The following MAPK8IP1 variants were observed in gnomAD, a reference collection of about 807,000 sequenced individuals.
The protein encoded by MAPK8IP1 is mitogen-activated protein kinase 8 interacting protein 1.
In MAPK8IP1, 17 loss-of-function variants were observed where a neutral mutation model predicts 72.6. The ratio of observed to expected loss-of-function variants is 0.23; its 90% CI spans 0.16 to 0.35. The LOEUF (loss-of-function observed/expected upper bound fraction) is 0.35. MAPK8IP1 is among the 10% of genes least tolerant of loss of function. MAPK8IP1 has a pLI of 1.00. For missense variants in MAPK8IP1, 789 were observed against 1,009.7 expected (o/e 0.78, Z 2.96); for synonymous variants, 401 against 443.4 (o/e 0.90, Z 1.20).
At chr11:45,905,099 G>T in intron 10 of MAPK8IP1, 52 bp from the exon 11 acceptor site, 1 of 1,612,016 alleles carries the variant, frequency 6.2e-7, no homozygotes, top group Non-Finnish European at 8.5e-7. Context: ...CCTTGAGGTG[G>T]GTGGGTGTGG....
At position 45,902,320 on chromosome 11, in the gene MAPK8IP1, T is replaced by C. The variant is rs988868532; in HGVS notation, c.605-52T>C. ...CCAAGCTGAGAGTGGCAGGTGCAGG[T>C]AGCTGGGAGTTGGGAGAGAGCCCCT... On this transcript the variant is annotated intron_variant, in intron 4 of 11. Coordinates refer to ENST00000241014, the MANE Select transcript of MAPK8IP1 (RefSeq NM_005456.4). This position sits in a 1 kb window ranked among gnomAD's most constrained non-coding sequence, Gnocchi z 9.3. 1.8e-5 allele frequency: 25 copies of C among 1,400,074 alleles called. No homozygotes were observed. Among genetic ancestry groups the C allele is most frequent in the Non-Finnish European group, 2.3e-5 (23 of 1,019,918 alleles). 86.7% of individuals were successfully genotyped at this position (1,400,074 alleles called of 1,614,324 possible).
intron 1 of MAPK8IP1, among the ~76,000 whole-genome samples, chr11:45,887,414 T>A (rs2086535988): frequency 6.6e-6 from 1 of 152,174 alleles, no homozygotes; most frequent in African/African-American, 2.4e-5. Flanking sequence ...AGGCCCCTCC[T>A]TTAACCCTCA....
chr11:45,888,218 A>G (rs1377242763), intron 1 of MAPK8IP1, among the ~76,000 whole-genome samples: 1 of 152,198 alleles, frequency 6.6e-6, no homozygotes, highest in Non-Finnish European at 1.5e-5. Context: ...CCCAGAAAAT[A>G]AAGGGGGTCT....
Position 45,904,286 on chromosome 11 carries a change from G to T in MAPK8IP1, c.1666+125G>T. On this transcript the variant is annotated intron_variant, in intron 7 of 11. Transcript: ENST00000241014. The surrounding 1 kb of genome is among the most constrained non-coding windows in gnomAD (Gnocchi z 6.4). ...GGGGGCTGAGTGGAAGTGATTTTAG[G>T]TCCTTTTCACGATCAAGCAAAGTGA... 1 of 1,277,798 alleles carries T rather than the reference G, an allele frequency of 7.8e-7. No individual in the cohort carries two copies. Among genetic ancestry groups the T allele is most frequent in the African/African-American group, 1.5e-5 (1 of 67,740 alleles). The allele number at this position is 1,277,798 out of a possible 1,614,324, so 79.2% of individuals were successfully genotyped here.
intron 1 of MAPK8IP1, 53 bp from the exon 2 acceptor site, chr11:45,898,032 G>C: frequency 9.3e-7 from 1 of 1,080,138 alleles, no homozygotes; most frequent in Non-Finnish European, 1.4e-6. Context: ...ACAGGGAGAT[G>C]TGAGCAGGCA....
At chr11:45,901,574 G>A (rs1014768696) in intron 3 of MAPK8IP1, among the ~76,000 whole-genome samples, 4 of 152,116 alleles carry the variant, frequency 2.6e-5, no homozygotes, top group African/African-American at 9.7e-5. Context: ...TCTCTGACTT[G>A]GGCTGGATTT....
intron 1 of MAPK8IP1, among the ~76,000 whole-genome samples, chr11:45,889,529 A>T (rs2086550667): frequency 6.6e-6 from 1 of 152,166 alleles, no homozygotes; most frequent in Non-Finnish European, 1.5e-5. Flanking sequence ...GGTGGGACAA[A>T]GAGGAGGGGC....
chr11:45,897,310 G>A (rs1174263876), intron 1 of MAPK8IP1, among the ~76,000 whole-genome samples: 1 of 152,060 alleles, frequency 6.6e-6, no homozygotes, highest in African/African-American at 2.4e-5. Flanking sequence ...GGGGACTCAG[G>A]GCTGGCCTAG....
At chr11:45,895,660 A>G (rs946696413) in intron 1 of MAPK8IP1, among the ~76,000 whole-genome samples, 3 of 144,114 alleles carry the variant, frequency 2.1e-5, no homozygotes, top group African/African-American at 5.3e-5. Flanking sequence ...ATATATATAT[A>G]TGTGCAGAGG....
chr11:45,888,668 G>C (rs2086544993), intron 1 of MAPK8IP1, among the ~76,000 whole-genome samples: 1 of 151,988 alleles, frequency 6.6e-6, no homozygotes, highest in Non-Finnish European at 1.5e-5. Context: ...TATGGTATGG[G>C]GTGAGGGATT....
At position 45,891,265 on chromosome 11, in the gene MAPK8IP1, A is replaced by G. The variant is rs943735461; in HGVS notation, c.101+5344A>G. Among the ~76,000 whole-genome samples the G allele has an allele frequency of 2.6e-5, 4 of 152,216 alleles. No homozygotes were observed. The South Asian group carries it at 8.3e-4, about 31-fold the overall frequency. On this transcript the variant is annotated intron_variant, in intron 1 of 11. Coordinates refer to ENST00000241014, the MANE Select transcript of MAPK8IP1 (RefSeq NM_005456.4). ...TCCACACGTAGTTCTTAATCATTCT[A>G]TGATGCCATCTTTGTTCCCTGGCCC... is the stretch of plus-strand genomic sequence containing the variant.
In MAPK8IP1 at chr11:45,899,857, G is replaced by C. The variant is rs986254438; in HGVS notation, c.208-281G>C. On this transcript the variant is annotated intron_variant, in intron 2 of 11. Coordinates refer to ENST00000241014, the MANE Select transcript of MAPK8IP1 (RefSeq NM_005456.4). ...GGGCTCGGCTTACAACCCCGGTGAG[G>C]TCACCGGCCGTTGCCAGGGGAACGG... Among the ~76,000 whole-genome samples the C allele has an allele frequency of 4.6e-5, 7 of 152,304 alleles. No individual in the cohort carries two copies. The South Asian group carries it at 1.2e-3, about 27-fold the overall frequency.
chr11:45,904,148 C>G lies in MAPK8IP1; in HGVS notation c.1653C>G (p.Pro551=), dbSNP rs533033002. 6.2e-7 allele frequency: 1 copy of G among 1,613,878 alleles called. No homozygotes were observed. Among genetic ancestry groups the G allele is most frequent in the South Asian group, 1.1e-5 (1 of 91,074 alleles). ...AYYAIEVTKE[P]EHMAALAKNS... ...ACGCCATCGAGGTCACCAAGGAGCC[C>G]GAGCACATGGCAGGTAGTGTTCCCT... Residue 551 remains proline, a synonymous_variant, in exon 7 of 12, where the codon CCC becomes CCG. Transcript: ENST00000241014. The surrounding 1 kb of genome is among the most constrained non-coding windows in gnomAD (Gnocchi z 6.4).
intron 1 of MAPK8IP1, among the ~76,000 whole-genome samples, chr11:45,887,386 G>C (rs1051770256): frequency 6.6e-6 from 1 of 152,196 alleles, no homozygotes; most frequent in African/African-American, 2.4e-5. Context: ...GCTCGCTGCT[G>C]TCCAGAGTGT....
chr11:45,889,632 G>T (rs1486407197), intron 1 of MAPK8IP1, among the ~76,000 whole-genome samples: 2 of 152,046 alleles, frequency 1.3e-5, no homozygotes, highest in East Asian at 3.8e-4. Flanking sequence ...GTGTAGAAGG[G>T]GAATCGTGGA....
intron 1 of MAPK8IP1, among the ~76,000 whole-genome samples, chr11:45,894,970 C>T (rs1221646375): frequency 3.3e-5 from 5 of 152,212 alleles, no homozygotes; most frequent in Non-Finnish European, 7.3e-5. Flanking sequence ...GAAGAATGAG[C>T]TTAACTGAGC....
intron 1 of MAPK8IP1, among the ~76,000 whole-genome samples, chr11:45,895,751 G>T (rs1361333400): frequency 2.0e-5 from 3 of 151,392 alleles, no homozygotes; most frequent in Admixed American, 6.6e-5. Flanking sequence ...AGTACCAGGG[G>T]CTCCCTTTTG....
rs868763971 is a variant in MAPK8IP1, at chr11:45,885,712, G to T, written c.-109G>T. ...TGCCAGACACAGGTGCGCCCGCCTA[G>T]CCCGAACTCCGCGGCGGCGGCTGCC... On this transcript the variant is annotated 5_prime_UTR_variant, in exon 1 of 12. Transcript: ENST00000241014. 3.6e-5 allele frequency: 19 copies of T among 534,428 alleles called. No homozygotes were observed. Among genetic ancestry groups the T allele is most frequent in the Middle Eastern group, 5.5e-4 (1 of 1,826 alleles). The allele number at this position is 534,428 out of a possible 1,614,324, so 33.1% of individuals were successfully genotyped here. A position where few individuals can be genotyped will look rare whatever the true frequency, so the allele number is the denominator to read the frequency against.
At position 45,904,777 on chromosome 11, in the gene MAPK8IP1, G is replaced by C. The variant is rs1388619470; in HGVS notation, c.1836G>C (p.Glu612Asp). The C allele has an allele frequency of 6.2e-7, 1 of 1,613,940 alleles. No homozygotes were observed. Among genetic ancestry groups the C allele is most frequent in the African/African-American group, 1.3e-5 (1 of 74,924 alleles). Reference sequence around the variant, plus strand: ...ACCCGCCCTCCAGCTGTGTCCTGGAGATCAGCGTGCGGGGTGTGAAGATAG... The same window carrying C: ...ACCCGCCCTCCAGCTGTGTCCTGGACATCAGCGTGCGGGGTGTGAAGATAG... ...HFNPPSSCVL[E>D]ISVRGVKIGV... is the part of the protein sequence containing the mutation. Residue 612 changes from glutamate (E) to aspartate (D), a missense_variant, in exon 9 of 12, where the codon GAG becomes GAC. Transcript: ENST00000241014. The surrounding 1 kb of genome is among the most constrained non-coding windows in gnomAD (Gnocchi z 6.4).
Sources: allele counts gnomAD v4.1 joint callset (sites outside exome capture counted in the v4.1 genomes callset), GRCh38; gene constraint gnomAD v4.1.1; non-coding constraint Gnocchi (gnomAD v3.1); transcripts MANE v1.5; gene names NCBI Gene and HGNC (gene_info 2026-07-23, HGNC 2026-07-21).